Variants in PPFIA3 observed in about 807,000 individuals in gnomAD.
PPFIA3 encodes the protein liprin-alpha-3.
A neutral mutation model predicts 145.8 loss-of-function variants in PPFIA3; 26 were observed. The ratio of observed to expected loss-of-function variants is 0.18; its 90% CI spans 0.13 to 0.25. The LOEUF is 0.25. PPFIA3 is among the 10% of genes least tolerant of loss of function. PPFIA3 has a pLI of 1.00. For synonymous variants in PPFIA3, 645 were observed against 661.4 expected, an observed-to-expected ratio of 0.98 and a Z score of 0.38; for missense variants, 1,008 against 1,587.8, an observed-to-expected ratio of 0.63 and a Z score of 6.21.
intron 21 of PPFIA3, among the ~76,000 whole-genome samples, chr19:49,144,395 T>A (rs2041257705): frequency 6.6e-6 from 1 of 152,186 alleles, no homozygotes; most frequent in Admixed American, 6.5e-5. Context: ...GGTGGGGGAT[T>A]TTCCTCTTGT....
At position 49,128,013 on chromosome 19, in the gene PPFIA3, G is replaced by A. The variant is rs936191890; in HGVS notation, c.140G>A (p.Arg47His). 1.3e-6 allele frequency: 2 copies of A among 1,596,442 alleles called. No homozygotes were observed. The highest frequency in any genetic ancestry group is 1.3e-5 in the African/African-American group (1 of 74,766). Residue 47 changes from arginine (R) to histidine (H), a missense_variant, in exon 2 of 30, where the codon CGC becomes CAC. Around this residue, in one of 11 missense-constraint regions of PPFIA3, gnomAD observed 108 missense variants for 144.3 expected, o/e 0.75. Coordinates refer to ENST00000334186, the MANE Select transcript of PPFIA3 (RefSeq NM_003660.4). This position sits in a 1 kb window ranked among gnomAD's most constrained non-coding sequence, Gnocchi z 4.1. ...TERERLLETL[R>H]EAQDGLATAQ... ...CGCGAGCGCCTGCTGGAGACGCTGC[G>A]CGAGGCACAGGACGGGTTGGCTACA...
At position 49,129,434 on chromosome 19, in the gene PPFIA3, C is replaced by G. The variant is rs2041042506; in HGVS notation, c.562C>G (p.Leu188Val). The change falls in exon 5 of 30, where the codon CTG becomes GTG. Residue 188 changes from leucine to valine, a missense_variant. Coordinates refer to ENST00000334186, the MANE Select transcript of PPFIA3 (RefSeq NM_003660.4). The stretch of plus-strand genomic sequence containing the variant: ...GCGCGTGGCAGTGCTCGAGGAGGAG[C>G]TGGAACTGAGCAATCAGGAGGTGTG... Reference protein sequence around the residue: ...LERVAVLEEELELSNQETLNL... With the variant: ...LERVAVLEEEVELSNQETLNL... 6.4e-7 allele frequency: 1 copy of G among 1,553,358 alleles called. No homozygotes were observed. Among genetic ancestry groups the G allele is most frequent in the Admixed American group, 2.0e-5 (1 of 51,084 alleles).
chr19:49,149,215 A>C lies in PPFIA3; in HGVS notation c.3286-42A>C, dbSNP rs768380926. ...AGCATGCTGGGCGTCCCCACCTCGC[A>C]GACTGCACGCTCCAACCGCCCCCTC... On this transcript the variant is annotated intron_variant, in intron 26 of 29. Transcript: ENST00000334186. This position sits in a 1 kb window ranked among gnomAD's most constrained non-coding sequence, Gnocchi z 5.7. The C allele has an allele frequency of 6.2e-7, 1 of 1,613,992 alleles. No individual in the cohort carries two copies. The highest frequency in any genetic ancestry group is 2.2e-5 in the East Asian group (1 of 44,876).
At chr19:49,141,879 A>G (rs1282134982) in intron 19 of PPFIA3, among the ~76,000 whole-genome samples, 155 bp from the exon 20 acceptor site, 2 of 147,260 alleles carry the variant, frequency 1.4e-5, no homozygotes, top group Non-Finnish European at 3.0e-5. Flanking sequence ...ATTCACATGT[A>G]TTTTTTGACC....
In PPFIA3 at chr19:49,136,839, G is replaced by T. The variant is rs1418368298; in HGVS notation, c.1781G>T (p.Ser594Ile). 1 of 1,589,866 alleles carries T rather than the reference G, an allele frequency of 6.3e-7. No individual in the cohort carries two copies. The highest frequency in any genetic ancestry group is 1.3e-5 in the African/African-American group (1 of 74,740). Reference sequence around the variant, plus strand: ...TTTGGGGCCGAGCTGCTGTCCCCCAGTGGGCAGGCTGACGTGCAGACGCTG... The same window carrying T: ...TTTGGGGCCGAGCTGCTGTCCCCCATTGGGCAGGCTGACGTGCAGACGCTG... ...GMFGAELLSP[S>I]GQADVQTLAI... The change falls in exon 15 of 30, where the codon AGT becomes ATT. Residue 594 changes from serine (S) to isoleucine (I), a missense_variant. Coordinates refer to ENST00000334186, the MANE Select transcript of PPFIA3 (RefSeq NM_003660.4).
chr19:49,139,764 G>A lies in PPFIA3; in HGVS notation c.2173G>A (p.Glu725Lys). 2 of 1,614,084 alleles carry A rather than the reference G, an allele frequency of 1.2e-6. No homozygotes were observed. Among genetic ancestry groups the A allele is most frequent in the Non-Finnish European group, 1.7e-6 (2 of 1,179,948 alleles). ...ACCCACTCCCCGCTCTGCCCGTCTT[G>A]AGAGAATGACCCAGGCCTTGGCACT... ...PPPTPRSARLERMTQALALQA... is the reference protein window; with the variant it reads ...PPPTPRSARLKRMTQALALQA... The change falls in exon 17 of 30, where the codon GAG becomes AAG. Residue 725 changes from glutamate to lysine, a missense_variant. Glu to Lys is a moderately conservative substitution (Grantham distance 56). Coordinates refer to ENST00000334186, the MANE Select transcript of PPFIA3 (RefSeq NM_003660.4).
chr19:49,129,853 C>T (rs991968346), intron 5 of PPFIA3, 140 bp from the exon 6 acceptor site: 8 of 837,720 alleles, frequency 9.5e-6, no homozygotes, highest in African/African-American at 8.6e-5. Context: ...AAGGGTAAAC[C>T]GTGGGGTAGG....
chr19:49,129,351 GCTGA>G, intron 4 of PPFIA3, 25 bp from the exon 5 acceptor site: 1 of 1,547,776 alleles, frequency 6.5e-7, no homozygotes, highest in Non-Finnish European at 8.7e-7. Context: ...CTTGTCTCCA[GCTGA>G]CTGTTGCCCT....
intron 20 of PPFIA3, among the ~76,000 whole-genome samples, chr19:49,142,419 G>C (rs532828437): frequency 5.9e-5 from 9 of 151,968 alleles, no homozygotes; most frequent in Non-Finnish European, 1.0e-4. Flanking sequence ...TCCCATCTCT[G>C]ACCACGCTTT....
At chr19:49,142,703 C>T in intron 20 of PPFIA3, 101 bp from the exon 21 acceptor site, 1 of 1,034,418 alleles carries the variant, frequency 9.7e-7, no homozygotes, top group Non-Finnish European at 1.4e-6. Context: ...TGTTTCGCTC[C>T]CCACCCCCTT....
At chr19:49,125,928 TTTTTGTTTTTTTTTGTTTGTTTGTTTG>T (rs1161008142) in intron 1 of PPFIA3, among the ~76,000 whole-genome samples, 1 of 101,074 alleles carries the variant, frequency 9.9e-6, no homozygotes, top group Non-Finnish European at 2.2e-5. Flanking sequence ...ACTGGTATTT[TTTTTGTTTTTTTTTGTTTGTTTGTTTG>T]TTTTGTTTTT....
chr19:49,143,870 G>A (rs950104254), intron 21 of PPFIA3, among the ~76,000 whole-genome samples: 12 of 151,868 alleles, frequency 7.9e-5, no homozygotes, highest in Non-Finnish European at 1.8e-4. Flanking sequence ...ATTTTAAAAA[G>A]TTTTTTTTGA....
At chr19:49,146,299 C>A in intron 23 of PPFIA3, 107 bp downstream of exon 23, 1 of 1,376,894 alleles carries the variant, frequency 7.3e-7, no homozygotes. Context: ...TGCCATCATC[C>A]CCATGGGGGG....
At chr19:49,143,156 C>G in intron 21 of PPFIA3, 152 bp downstream of exon 21, 1 of 906,620 alleles carries the variant, frequency 1.1e-6, no homozygotes, top group Non-Finnish European at 1.7e-6. Flanking sequence ...CCACTCCTAA[C>G]TTGGCCTGTG....
chr19:49,127,572 C>T (rs983504510), intron 1 of PPFIA3, among the ~76,000 whole-genome samples: 2 of 151,616 alleles, frequency 1.3e-5, no homozygotes, highest in Admixed American at 1.3e-4. Context: ...GAACTCCAGC[C>T]TGGGTGACAG....
chr19:49,141,554 ATGTGAGAGTG>A (rs748224313), intron 19 of PPFIA3, 41 bp downstream of exon 19: 3 of 1,523,952 alleles, frequency 2.0e-6, no homozygotes, highest in South Asian at 1.1e-5. Flanking sequence ...GTGTATGTGA[ATGTGAGAGTG>A]TGTGAGGGTG....
chr19:49,135,238 T>A (rs1305438543), intron 13 of PPFIA3, among the ~76,000 whole-genome samples: 3 of 152,064 alleles, frequency 2.0e-5, no homozygotes, highest in Non-Finnish European at 4.4e-5. Context: ...CACGGGGTTT[T>A]GCCATGTTGG....
At chr19:49,136,991 G>A in intron 15 of PPFIA3, 80 bp downstream of exon 15, 1 of 1,326,284 alleles carries the variant, frequency 7.5e-7, no homozygotes, top group Non-Finnish European at 1.0e-6. Context: ...AGGCCTGAAA[G>A]CCTGAGTCCG....
intron 21 of PPFIA3, among the ~76,000 whole-genome samples, chr19:49,143,318 C>T (rs1162832488): frequency 1.3e-5 from 2 of 152,206 alleles, no homozygotes; most frequent in African/African-American, 4.8e-5. Flanking sequence ...TCCGGCATAT[C>T]AGCACCTTCT....
Sources: allele counts gnomAD v4.1 joint callset (sites outside exome capture counted in the v4.1 genomes callset), GRCh38; gene constraint gnomAD v4.1.1; regional missense constraint gnomAD v4.1.1; non-coding constraint Gnocchi (gnomAD v3.1); transcripts MANE v1.5; gene names NCBI Gene and HGNC (gene_info 2026-07-23, HGNC 2026-07-21).